RBFOX1: variants seen among roughly 807,000 people sequenced by gnomAD.
The protein encoded by RBFOX1 is RNA binding protein fox-1 homolog 1.
RBFOX1 carries 8 observed loss-of-function variants against 57.7 expected under a neutral mutation model. The ratio of observed to expected loss-of-function variants is 0.14; its 90% CI spans 0.08 to 0.25. The LOEUF (loss-of-function observed/expected upper bound fraction) is 0.25, where lower values mean the gene tolerates loss of function less well. Ranked by LOEUF, RBFOX1 falls within the 10% of genes least tolerant of loss-of-function variation. The pLI is 1.00. For missense variants in RBFOX1, 611 were observed against 548.5 expected (o/e 1.11, Z -1.14); for synonymous variants, 326 against 222.4 (o/e 1.47, Z -4.15).
At chr16:7,398,462 C>G (rs749949248) in intron 4 of RBFOX1, among the ~76,000 whole-genome samples, 1 of 152,136 alleles carries the variant, frequency 6.6e-6, no homozygotes, top group African/African-American at 2.4e-5. Flanking sequence ...TATTGCTATT[C>G]TTATATTAAC....
intron 3 of RBFOX1, among the ~76,000 whole-genome samples, chr16:6,823,653 A>G (rs952281525): frequency 5.3e-5 from 8 of 151,890 alleles, no homozygotes; most frequent in Non-Finnish European, 1.2e-4. Flanking sequence ...CCTATTCTTG[A>G]TTTCTTAGGG....
At chr16:6,407,473 C>T (rs966681180) in intron 2 of RBFOX1, among the ~76,000 whole-genome samples, 2 of 150,998 alleles carry the variant, frequency 1.3e-5, no homozygotes, top group Non-Finnish European at 2.9e-5. Context: ...TGTATTTATA[C>T]ACACACACAT....
At chr16:5,711,908 A>G (rs1046927764) in intron 3 of RBFOX1, among the ~76,000 whole-genome samples, 1 of 152,222 alleles carries the variant, frequency 6.6e-6, no homozygotes, top group Non-Finnish European at 1.5e-5. Flanking sequence ...TTGACCTGCT[A>G]TGCATTAGTT....
chr16:7,442,138 C>T (rs1396711399), intron 4 of RBFOX1, among the ~76,000 whole-genome samples: 1 of 152,110 alleles, frequency 6.6e-6, no homozygotes, highest in African/African-American at 2.4e-5. Context: ...CTGGGCTGAA[C>T]ATGATGCATG....
chr16:7,170,531 C>A (rs1483988681), intron 4 of RBFOX1, among the ~76,000 whole-genome samples: 9 of 152,172 alleles, frequency 5.9e-5, no homozygotes, highest in Non-Finnish European at 1.2e-4. Flanking sequence ...GATGGGATTG[C>A]AAGTGCGAGC....
At chr16:6,049,290 C>T (rs562330662) in intron 1 of RBFOX1, among the ~76,000 whole-genome samples, 3 of 151,198 alleles carry the variant, frequency 2.0e-5, no homozygotes, top group East Asian at 2.0e-4. Flanking sequence ...TCTCAAACTC[C>T]TGACTTCGGG....
chr16:5,971,880 C>T (rs2152299944), intron 4 of RBFOX1, among the ~76,000 whole-genome samples: 1 of 152,322 alleles, frequency 6.6e-6, no homozygotes, highest in South Asian at 2.1e-4. Context: ...CTGAGTAAAG[C>T]AGATGGCTCC....
At chr16:6,729,017 A>T (rs1229000249) in intron 3 of RBFOX1, among the ~76,000 whole-genome samples, 2 of 152,198 alleles carry the variant, frequency 1.3e-5, no homozygotes, top group African/African-American at 4.8e-5. Context: ...TCAACAAATC[A>T]TACGGGGATA....
chr16:6,566,513 G>A (rs1196556444), intron 2 of RBFOX1, among the ~76,000 whole-genome samples: 2 of 152,076 alleles, frequency 1.3e-5, no homozygotes, highest in Non-Finnish European at 2.9e-5. Flanking sequence ...AATGTGTAAT[G>A]AATATCTGGT....
At chr16:6,813,301 C>A (rs111601516) in intron 3 of RBFOX1, among the ~76,000 whole-genome samples, 1 of 152,182 alleles carries the variant, frequency 6.6e-6, no homozygotes, top group Non-Finnish European at 1.5e-5. Flanking sequence ...TTCCATGAAA[C>A]AACCCTCTTC....
At position 6,933,401 on chromosome 16, in the gene RBFOX1, T is replaced by C. The variant is rs150683993; in HGVS notation, c.-15-118656T>C. 7.8e-3 allele frequency among the ~76,000 whole-genome samples: 1,182 copies of C among 152,352 alleles called. 15 individuals are homozygous for C. The highest frequency in any genetic ancestry group is 0.027 in the African/African-American group (1,118 of 41,590). ...CTGTCCACATCATTGCCAACACTTATATTCAATTTTCAGAAATAATGGCCA... is the reference window on the plus strand; with the variant it reads ...CTGTCCACATCATTGCCAACACTTACATTCAATTTTCAGAAATAATGGCCA... On this transcript the variant is annotated intron_variant, in intron 3 of 15. Coordinates refer to ENST00000550418, the MANE Select transcript of RBFOX1 (RefSeq NM_018723.4).
At chr16:6,405,960 CT>C in intron 2 of RBFOX1, among the ~76,000 whole-genome samples, 1 of 152,294 alleles carries the variant, frequency 6.6e-6, no homozygotes, top group African/African-American at 2.4e-5. Context: ...ACACATATTC[CT>C]ACCTTGGATG....
intron 2 of RBFOX1, among the ~76,000 whole-genome samples, chr16:6,363,636 G>C (rs111660138): frequency 6.6e-6 from 1 of 152,144 alleles, no homozygotes; most frequent in Non-Finnish European, 1.5e-5. Context: ...CAGACAGTTC[G>C]GAGACTAAAT....
intron 4 of RBFOX1, among the ~76,000 whole-genome samples, chr16:7,166,353 C>T (rs2079509644): frequency 6.6e-6 from 1 of 151,978 alleles, no homozygotes; most frequent in South Asian, 2.1e-4. Flanking sequence ...CCCAAATCAG[C>T]AAATAGCTTG....
At chr16:6,490,307 G>C (rs2095602990) in intron 2 of RBFOX1, among the ~76,000 whole-genome samples, 1 of 152,188 alleles carries the variant, frequency 6.6e-6, no homozygotes, top group African/African-American at 2.4e-5. Flanking sequence ...AGAAAACCAA[G>C]ACAGAAGTAG....
At chr16:6,356,650 C>T (rs58840200) in intron 2 of RBFOX1, among the ~76,000 whole-genome samples, 3,070 of 152,074 alleles carry the variant, frequency 0.02, 110 homozygotes, top group African/African-American at 0.069. Flanking sequence ...CCAAGAGAAG[C>T]GTAGGGAGAC....
rs1473501153 is a variant in RBFOX1, at chr16:7,529,999, A to G, written c.270+11610A>G. Among the ~76,000 whole-genome samples the G allele has an allele frequency of 3.4e-5, 3 of 87,974 alleles. No individual in the cohort carries two copies. In the East Asian group the frequency reaches 7.7e-4, roughly 23 times the overall value. 57.7% of individuals were successfully genotyped at this position (87,974 alleles called of 152,430 possible). A position where few individuals can be genotyped will look rare whatever the true frequency, so the allele number is the denominator to read the frequency against. The stretch of plus-strand genomic sequence containing the variant: ...ACTCTAGCCTGGAAAACAGAGTCAG[A>G]CTCCATCTCAAAAAAAAAAAAAAAA... On this transcript the variant is annotated intron_variant, in intron 5 of 15. Coordinates refer to ENST00000550418, the MANE Select transcript of RBFOX1 (RefSeq NM_018723.4).
intron 3 of RBFOX1, among the ~76,000 whole-genome samples, chr16:5,673,927 G>GA (rs1425840688): frequency 1.3e-5 from 2 of 152,216 alleles, no homozygotes; most frequent in African/African-American, 4.8e-5. Flanking sequence ...TTACAAAACC[G>GA]AAAGGGGGAA....
At chr16:7,514,681 A>C (rs938724257) in intron 4 of RBFOX1, among the ~76,000 whole-genome samples, 1 of 152,088 alleles carries the variant, frequency 6.6e-6, no homozygotes, top group African/African-American at 2.4e-5. Context: ...TTCCAAGCTG[A>C]GGGGCAGTAA....
Sources: gnomAD v4.1 joint callset for allele counts (sites outside exome capture counted in the v4.1 genomes callset) on GRCh38, gnomAD v4.1.1 for gene constraint, MANE v1.5 for transcripts, NCBI Gene and HGNC (gene_info 2026-07-23, HGNC 2026-07-21) for gene names.